UBE3D: variants seen among roughly 807,000 people sequenced by gnomAD.
UBE3D encodes the protein ubiquitin protein ligase E3D, also known as E3 ubiquitin-protein ligase E3D.
A neutral mutation model predicts 49.6 loss-of-function variants in UBE3D; 48 were observed. The observed-to-expected ratio is 0.97, with a 90% CI of 0.77 to 1.23. UBE3D has a LOEUF of 1.23. UBE3D is among the 50% of genes most tolerant of loss of function. The pLI, the probability that UBE3D is intolerant of heterozygous loss-of-function variation, is 0.00. For synonymous variants in UBE3D, 189 were observed against 174.2 expected, an observed-to-expected ratio of 1.08 and a Z score of -0.67; for missense variants, 452 against 468.4, an observed-to-expected ratio of 0.96 and a Z score of 0.32.
intron 2 of UBE3D, among the ~76,000 whole-genome samples, chr6:83,055,937 G>T (rs915803650): frequency 1.3e-5 from 2 of 152,152 alleles, no homozygotes; most frequent in African/African-American, 4.8e-5. Context: ...TATATGGAAA[G>T]CACTCAGGCA....
Position 82,985,008 on chromosome 6 carries a change from C to CCTTTTTTTTTT in UBE3D, c.1011-27559_1011-27558insAAAAAAAAAAG, listed in dbSNP as rs1442501883. On this transcript the variant is annotated intron_variant, in intron 8 of 9. Coordinates refer to ENST00000369747, the MANE Select transcript of UBE3D (RefSeq NM_198920.3). ...AATTTTTTTCTTTCTTCTTCTTCTTCTTTTTTTTTTTTTTTTTTTTTTTTG... is the reference window on the plus strand; with the variant it reads ...AATTTTTTTCTTTCTTCTTCTTCTTCCTTTTTTTTTTTTTTTTTTTTTTTTTTTTTTTTTTG... Among the ~76,000 whole-genome samples the CCTTTTTTTTTT allele has an allele frequency of 3.8e-5, 2 of 52,998 alleles. 1 individual carries two copies. 34.8% of individuals were successfully genotyped at this position (52,998 alleles called of 152,430 possible). A position where few individuals can be genotyped will look rare whatever the true frequency, so the allele number is the denominator to read the frequency against.
chr6:83,000,639 G>C (rs949878446), intron 8 of UBE3D, among the ~76,000 whole-genome samples: 1 of 152,098 alleles, frequency 6.6e-6, no homozygotes, highest in African/African-American at 2.4e-5. Context: ...ATTGTTCTTA[G>C]GATAAAGACT....
chr6:82,917,653 G>A (rs1004855791), intron 9 of UBE3D, among the ~76,000 whole-genome samples: 2 of 152,208 alleles, frequency 1.3e-5, no homozygotes, highest in African/African-American at 4.8e-5. Flanking sequence ...ACAAATGACA[G>A]TAAGGGAGAA....
intron 8 of UBE3D, among the ~76,000 whole-genome samples, chr6:83,009,218 C>CA (rs1582626335): frequency 6.6e-6 from 1 of 152,116 alleles, no homozygotes. Flanking sequence ...ACTGGTACAT[C>CA]CATGCTAGTA....
chr6:83,057,896 G>A lies in UBE3D; in HGVS notation c.204C>T (p.Cys68=), dbSNP rs184292340. Residue 68 remains cysteine, a synonymous_variant, in exon 2 of 10, where the codon TGC becomes TGT. Coordinates refer to ENST00000369747, the MANE Select transcript of UBE3D (RefSeq NM_198920.3). The part of the protein sequence containing the change: ...PAEVRLVPSS[C]RGLQFVVGDG... ...CTCCAACAACAAACTGTAGCCCACG[G>A]CAAGAGGAAGGTACAAGCCTGACCT... 7.1e-5 allele frequency: 115 copies of A among 1,614,160 alleles called. No individual in the cohort carries two copies. The highest frequency in any genetic ancestry group is 6.7e-4 in the Admixed American group (40 of 60,020).
chr6:83,030,163 G>A (rs1234839380), intron 5 of UBE3D, among the ~76,000 whole-genome samples: 1 of 152,016 alleles, frequency 6.6e-6, no homozygotes, highest in Non-Finnish European at 1.5e-5. Context: ...TGTGCAGCAG[G>A]TGGTTTTTGC....
Position 83,054,190 on chromosome 6 carries a change from G to T in UBE3D, c.323C>A (p.Thr108Lys). The T allele has an allele frequency of 2.5e-6, 4 of 1,613,830 alleles. No individual in the cohort carries two copies. The highest frequency in any genetic ancestry group is 2.2e-5 in the South Asian group (2 of 91,062). Residue 108 changes from threonine (T) to lysine (K), a missense_variant, in exon 3 of 10, where the codon ACG (threonine) becomes AAG (lysine). Coordinates refer to ENST00000369747, the MANE Select transcript of UBE3D (RefSeq NM_198920.3). Reference protein sequence around the residue: ...NQSSQTQECCTFYCQSCGEVI... With the variant: ...NQSSQTQECCKFYCQSCGEVI... ...TTCACCGCAGGATTGGCAATAAAAC[G>T]TGCAACATTCTTGGGTTTGCGAGCT...
At position 82,892,519 on chromosome 6, in the gene UBE3D, CT is replaced by C. The variant is rs942550218; in HGVS notation, c.*502del. ...TGATAATCATTCATTCAACAAACATCTATTGAGCATCTCCTCTGAATAAAGT... is the reference window on the plus strand; with the variant it reads ...TGATAATCATTCATTCAACAAACATCATTGAGCATCTCCTCTGAATAAAGT... On this transcript the variant is annotated 3_prime_UTR_variant, in exon 10 of 10. Coordinates refer to ENST00000369747, the MANE Select transcript of UBE3D (RefSeq NM_198920.3). The C allele has an allele frequency of 2.5e-5, 4 of 158,506 alleles. No individual in the cohort carries two copies. The highest frequency in any genetic ancestry group is 9.6e-5 in the African/African-American group (4 of 41,464). The allele number at this position is 158,506 out of a possible 1,614,324, so 9.8% of individuals were successfully genotyped here. A position where few individuals can be genotyped will look rare whatever the true frequency, so the allele number is the denominator to read the frequency against.
intron 8 of UBE3D, among the ~76,000 whole-genome samples, chr6:82,978,597 C>T (rs1053319272): frequency 2.0e-5 from 3 of 152,160 alleles, no homozygotes; most frequent in African/African-American, 7.2e-5. Flanking sequence ...AGTTTGAGCT[C>T]CTGCTGACTT....
chr6:82,901,383 T>C lies in UBE3D; in HGVS notation c.1150-8341A>G, dbSNP rs189799235. ...TTCAAATAGTCCAGCCCAGTGCTTC[T>C]CAGGTGCTGTCTCTGGATCAGCATT... On this transcript the variant is annotated intron_variant, in intron 9 of 9. Coordinates refer to ENST00000369747, the MANE Select transcript of UBE3D (RefSeq NM_198920.3). Among the ~76,000 whole-genome samples the C allele has an allele frequency of 1.6e-3, 241 of 152,286 alleles. 1 individual carries two copies. Among genetic ancestry groups the C allele is most frequent in the African/African-American group, 5.0e-3 (209 of 41,560 alleles).
At chr6:83,031,843 T>C (rs985459752) in intron 5 of UBE3D, among the ~76,000 whole-genome samples, 3 of 152,144 alleles carry the variant, frequency 2.0e-5, no homozygotes, top group Admixed American at 2.0e-4. Context: ...GGGGCCAAGG[T>C]ACAGCTCGGG....
the UBE3D span, among the ~76,000 whole-genome samples, chr6:82,882,613 TTAAGA>T: frequency 6.6e-6 from 1 of 152,174 alleles, no homozygotes; most frequent in African/African-American, 2.4e-5. Context: ...CTCTGTAAAA[TTAAGA>T]TAAGAGATTT....
At chr6:82,989,090 G>A (rs1778711320) in intron 8 of UBE3D, among the ~76,000 whole-genome samples, 1 of 151,846 alleles carries the variant, frequency 6.6e-6, no homozygotes, top group Non-Finnish European at 1.5e-5. Flanking sequence ...GAGACTCTTC[G>A]GGCAGAAAAG....
chr6:83,065,259 G>A (rs779417562), intron 1 of UBE3D, among the ~76,000 whole-genome samples: 3 of 152,202 alleles, frequency 2.0e-5, no homozygotes, highest in Non-Finnish European at 4.4e-5. Context: ...ATCCCGAAGA[G>A]AGACAGACAA....
intron 7 of UBE3D, 28 bp downstream of exon 7, chr6:83,022,425 C>T (rs1409325998): frequency 6.8e-7 from 1 of 1,467,214 alleles, no homozygotes; most frequent in African/African-American, 1.4e-5. Context: ...TCCTAGGCTA[C>T]AAAAAGCTGG....
At chr6:82,900,384 T>C (rs2127716597) in intron 9 of UBE3D, among the ~76,000 whole-genome samples, 1 of 152,280 alleles carries the variant, frequency 6.6e-6, no homozygotes, top group African/African-American at 2.4e-5. Context: ...AATGGTATGC[T>C]TACAATATCA....
intron 9 of UBE3D, among the ~76,000 whole-genome samples, chr6:82,935,709 T>C (rs1255899845): frequency 6.6e-5 from 10 of 152,022 alleles, no homozygotes; most frequent in Non-Finnish European, 1.5e-5. Context: ...AAATAGCAAA[T>C]AGTCTTACAA....
At chr6:82,949,315 A>C (rs1018947957) in intron 9 of UBE3D, among the ~76,000 whole-genome samples, 1 of 152,014 alleles carries the variant, frequency 6.6e-6, no homozygotes. Context: ...AACTGAGGAA[A>C]TAAAAGATCT....
intron 9 of UBE3D, among the ~76,000 whole-genome samples, chr6:82,914,563 A>C (rs971395994): frequency 6.6e-6 from 1 of 152,162 alleles, no homozygotes; most frequent in African/African-American, 2.4e-5. Flanking sequence ...GGGCAGCTTT[A>C]CTTTCTCTCT....
Sources: allele counts gnomAD v4.1 joint callset (sites outside exome capture counted in the v4.1 genomes callset), GRCh38; gene constraint gnomAD v4.1.1; transcripts MANE v1.5; gene names NCBI Gene and HGNC (gene_info 2026-07-23, HGNC 2026-07-21).